The following CLBA1 variants were observed in gnomAD, a reference collection of about 807,000 sequenced individuals.
CLBA1 encodes the protein clathrin binding box of aftiphilin containing 1.
CLBA1 carries 30 observed loss-of-function variants against 28.8 expected under a neutral mutation model. That is an observed-to-expected ratio of 1.04 (90% CI 0.78 to 1.41). The LOEUF is 1.41. Ranked by LOEUF, CLBA1 falls within the 40% of genes most tolerant of loss-of-function variation. The pLI, the probability that CLBA1 is intolerant of heterozygous loss-of-function variation, is 0.00. For synonymous variants in CLBA1, 160 were observed against 152.8 expected (o/e 1.05, Z -0.35); for missense variants, 451 against 412.3 (o/e 1.09, Z -0.81).
intron 4 of CLBA1, 64 bp from the exon 5 acceptor site, chr14:104,994,534 C>T (rs549146008): frequency 3.1e-5 from 47 of 1,527,110 alleles, no homozygotes; most frequent in African/African-American, 2.6e-4. Flanking sequence ...CAGGGGCAAA[C>T]GCCCAAGCTA....
chr14:104,990,001 G>A (rs529088691), intron 2 of CLBA1: 16 of 251,076 alleles, frequency 6.4e-5, no homozygotes, highest in South Asian at 2.2e-4. Flanking sequence ...CCAGAAGGCC[G>A]CAACCAGCAT....
chr14:104,989,286 C>T, intron 2 of CLBA1, 198 bp downstream of exon 2: 1 of 564,820 alleles, frequency 1.8e-6, no homozygotes, highest in Non-Finnish European at 3.1e-6. Context: ...ACTCTGAGCC[C>T]TATTCATCCT....
At position 104,986,808 on chromosome 14, in the gene CLBA1, A is replaced by T; in HGVS notation, c.377A>T (p.Gln126Leu). ...PKECSSHQPC[Q>L]GGPWVTGTSA... ...GAGTGCAGTTCTCACCAACCATGCCAGGGTGGACCTTGGGTGACAGGAACT... is the reference window on the plus strand; with the variant it reads ...GAGTGCAGTTCTCACCAACCATGCCTGGGTGGACCTTGGGTGACAGGAACT... Residue 126 changes from glutamine to leucine, a missense_variant, in exon 1 of 5, where the codon CAG becomes CTG. Gln to Leu is a moderately radical substitution (Grantham distance 113). Coordinates refer to ENST00000547315, the MANE Select transcript of CLBA1 (RefSeq NM_174891.4). 6.2e-7 allele frequency: 1 copy of T among 1,612,864 alleles called. No individual in the cohort carries two copies. Among genetic ancestry groups the T allele is most frequent in the African/African-American group, 1.3e-5 (1 of 74,716 alleles).
chr14:104,999,138 T>G (rs1049240092), downstream of CLBA1: 14 of 874,832 alleles, frequency 1.6e-5, no homozygotes, highest in Non-Finnish European at 1.8e-5. Context: ...CTGCTCCTGC[T>G]TTCTAACCCT....
In CLBA1 at chr14:104,993,016, T is replaced by C. The variant is rs1900080082; in HGVS notation, c.768T>C (p.Thr256=). 1.2e-6 allele frequency: 2 copies of C among 1,614,126 alleles called. No individual in the cohort carries two copies. The highest frequency in any genetic ancestry group is 2.2e-5 in the East Asian group (1 of 44,890). Residue 256 remains threonine, a synonymous_variant, in exon 4 of 5, where the codon ACT becomes ACC. Transcript: ENST00000547315. ...TCAAAGAGCCTGAAGGACTCCTCAC[T>C]GTCAGCAGCTTCTGTCTCCAGCATT... ...CDLKEPEGLL[T]VSSFCLQHCK... is the part of the protein sequence containing the mutation.
At chr14:104,989,214 T>G in intron 2 of CLBA1, 126 bp downstream of exon 2, 1 of 964,514 alleles carries the variant, frequency 1.0e-6, no homozygotes, top group Non-Finnish European at 1.5e-6. Context: ...CCCTGCCATC[T>G]GTGGGTCATA....
Position 104,985,884 on chromosome 14 carries a change from T to TGCGGGGCCCGGGCTCGGGCCCAGGACAC in CLBA1, c.-542_-541insCCCGGGCTCGGGCCCAGGACACGCGGGG. Reference sequence around the variant, plus strand: ...CCGCCGAGGCGGCGACCAAGGTGGGTGCGGGGACTCTCGGGAGCCGTGGGC... The same window carrying TGCGGGGCCCGGGCTCGGGCCCAGGACAC: ...CCGCCGAGGCGGCGACCAAGGTGGGTGCGGGGCCCGGGCTCGGGCCCAGGACACGCGGGGACTCTCGGGAGCCGTGGGC... On this transcript the variant is annotated 5_prime_UTR_variant, in exon 1 of 5. Coordinates refer to ENST00000547315, the MANE Select transcript of CLBA1 (RefSeq NM_174891.4). 1 of 223,078 alleles carries TGCGGGGCCCGGGCTCGGGCCCAGGACAC rather than the reference T, an allele frequency of 4.5e-6. No individual in the cohort carries two copies. The highest frequency in any genetic ancestry group is 9.5e-6 in the Non-Finnish European group (1 of 105,458). The allele number at this position is 223,078 out of a possible 1,614,324, so 13.8% of individuals were successfully genotyped here. A position where few individuals can be genotyped will look rare whatever the true frequency, so the allele number is the denominator to read the frequency against.
chr14:104,992,184 T>C (rs2582568), intron 3 of CLBA1, among the ~76,000 whole-genome samples: 118,533 of 147,302 alleles, frequency 0.8, 47,411 homozygotes, highest in Middle Eastern at 0.88. Flanking sequence ...ATGCACACAC[T>C]GCCACGGCCA....
At position 104,986,548 on chromosome 14, in the gene CLBA1, A is replaced by G; in HGVS notation, c.117A>G (p.Arg39=). Reference sequence around the variant, plus strand: ...TGAGTGATGACAGTTTGGAATGGAGACGGACCTGCCCCGACCTTCTCCTGT... The same window carrying G: ...TGAGTGATGACAGTTTGGAATGGAGGCGGACCTGCCCCGACCTTCTCCTGT... ...ERLSDDSLEW[R]RTCPDLLLSD... Residue 39 remains arginine, a synonymous_variant, in exon 1 of 5, where the codon AGA becomes AGG. Transcript: ENST00000547315. The G allele has an allele frequency of 2.5e-6, 4 of 1,613,790 alleles. No individual in the cohort carries two copies. Among genetic ancestry groups the G allele is most frequent in the Non-Finnish European group, 3.4e-6 (4 of 1,179,972 alleles).
At position 104,995,013 on chromosome 14, in the gene CLBA1, C is replaced by T; in HGVS notation, c.*254C>T. ...ACAGGCTGTCGGGGTCCAGGTGGCA[C>T]TCATGGGCCCCCTGCCCCATGTGAA... On this transcript the variant is annotated 3_prime_UTR_variant, in exon 5 of 5. Coordinates refer to ENST00000547315, the MANE Select transcript of CLBA1 (RefSeq NM_174891.4). 8.7e-7 allele frequency: 1 copy of T among 1,143,146 alleles called. No homozygotes were observed. Among genetic ancestry groups the T allele is most frequent in the Non-Finnish European group, 1.1e-6 (1 of 929,450 alleles). The allele number at this position is 1,143,146 out of a possible 1,614,324, so 70.8% of individuals were successfully genotyped here. A position where few individuals can be genotyped will look rare whatever the true frequency, so the allele number is the denominator to read the frequency against.
At chr14:104,997,158 G>A (rs536656284), downstream of CLBA1, among the ~76,000 whole-genome samples, 1 of 152,216 alleles carries the variant, frequency 6.6e-6, no homozygotes, top group South Asian at 2.1e-4. Context: ...CAAGAGATAG[G>A]GATGTTCAGC....
chr14:104,999,145 C>T (rs1161585595), downstream of CLBA1: 5 of 898,740 alleles, frequency 5.6e-6, no homozygotes, highest in African/African-American at 7.2e-5. Context: ...TGCTTTCTAA[C>T]CCTTTTGTCC....
intron 4 of CLBA1, chr14:104,993,510 C>T (rs1900094421): frequency 3.0e-6 from 3 of 985,334 alleles, no homozygotes; most frequent in African/African-American, 1.7e-5. Context: ...ACAGGGTCTG[C>T]CCACAGCTTT....
rs1899945468 is a variant in CLBA1, at chr14:104,989,032, T to C, written c.513T>C (p.His171=). 3 of 1,613,712 alleles carry C rather than the reference T, an allele frequency of 1.9e-6. No homozygotes were observed. Among genetic ancestry groups the C allele is most frequent in the Non-Finnish European group, 1.7e-6 (2 of 1,179,758 alleles). ...CTGAAGACGTTTCCACCATAGACCA[T>C]TTCCTAGAAATAAGCAGTGAAGAAA... ...QAAEDVSTID[H]FLEISSEEKP... The change falls in exon 2 of 5, where the codon CAT becomes CAC. Residue 171 remains histidine (H), a synonymous_variant. Coordinates refer to ENST00000547315, the MANE Select transcript of CLBA1 (RefSeq NM_174891.4).
chr14:104,998,305 T>TC (rs1196972361), downstream of CLBA1, among the ~76,000 whole-genome samples: 2 of 151,798 alleles, frequency 1.3e-5, no homozygotes, highest in African/African-American at 4.8e-5. Context: ...TCCCAGCTAC[T>TC]CAGGAGGCTG....
chr14:104,991,877 G>A (rs1210018995), intron 3 of CLBA1, among the ~76,000 whole-genome samples: 4 of 152,156 alleles, frequency 2.6e-5, no homozygotes, highest in South Asian at 2.1e-4. Context: ...AGCAGACAAC[G>A]CATTCAGAGA....
At chr14:104,996,183 A>G (rs947941119), downstream of CLBA1, among the ~76,000 whole-genome samples, 8 of 152,196 alleles carry the variant, frequency 5.3e-5, no homozygotes, top group African/African-American at 1.9e-4. Flanking sequence ...CTGTGGCCTC[A>G]CAGGAACCTC....
downstream of CLBA1, among the ~76,000 whole-genome samples, chr14:104,995,961 C>T (rs1900149773): frequency 6.6e-6 from 1 of 152,236 alleles, no homozygotes; most frequent in South Asian, 2.1e-4. Context: ...GCCCTGCCAG[C>T]AGAGCCCCTC....
In CLBA1 at chr14:104,986,472, A is replaced by G; in HGVS notation, c.41A>G (p.Asp14Gly). Residue 14 changes from aspartate (D) to glycine (G), a missense_variant, in exon 1 of 5, where the codon GAC becomes GGC. By Grantham distance (94) the Asp-to-Gly change is moderately conservative (BLOSUM62 -1). Transcript: ENST00000547315. Reference protein sequence around the residue: ...RRELGGEPLSDLQEEAASASL... With the variant: ...RRELGGEPLSGLQEEAASASL... ...GAGCTGGGGGGAGAGCCTTTGAGTGACCTCCAGGAGGAAGCAGCCAGCGCT... is the reference window on the plus strand; with the variant it reads ...GAGCTGGGGGGAGAGCCTTTGAGTGGCCTCCAGGAGGAAGCAGCCAGCGCT... 1 of 1,613,086 alleles carries G rather than the reference A, an allele frequency of 6.2e-7. No homozygotes were observed. Among genetic ancestry groups the G allele is most frequent in the South Asian group, 1.1e-5 (1 of 91,070 alleles).
Sources: allele counts gnomAD v4.1 joint callset (sites outside exome capture counted in the v4.1 genomes callset), GRCh38; gene constraint gnomAD v4.1.1; transcripts MANE v1.5; gene names NCBI Gene and HGNC (gene_info 2026-07-23, HGNC 2026-07-21).